The following UBAP1 variants were observed in gnomAD, a reference collection of about 807,000 sequenced individuals.
UBAP1 encodes the protein ubiquitin-associated protein 1.
Under a neutral mutation model 39.0 loss-of-function variants are expected in UBAP1, and 5 were observed. The ratio of observed to expected loss-of-function variants is 0.13; its 90% CI spans 0.07 to 0.27. The LOEUF is 0.27. Ranked by LOEUF, UBAP1 falls within the 10% of genes least tolerant of loss-of-function variation. The probability of loss-of-function intolerance (pLI) is 1.00; values close to 1 mark genes in which losing one functional copy is unlikely to be tolerated. For synonymous variants in UBAP1, 211 were observed against 225.1 expected (o/e 0.94, Z 0.56); for missense variants, 490 against 608.1 (o/e 0.81, Z 2.04).
intron 6 of UBAP1, chr9:34,250,974 G>A (rs755342665): frequency 1.6e-5 from 9 of 565,692 alleles, no homozygotes; most frequent in Non-Finnish European, 2.9e-5. Flanking sequence ...CAGAATCCCA[G>A]TGAAGGGAAG....
chr9:34,216,527 G>C lies in UBAP1; in HGVS notation c.-7-4381G>C, dbSNP rs1354907219. Among the ~76,000 whole-genome samples, 3 of 151,018 alleles carry C rather than the reference G, an allele frequency of 2.0e-5. No homozygotes were observed. In the East Asian group the frequency reaches 5.8e-4, roughly 29 times the overall value. ...TTTTTTAGAGCTGGGGTCTCACTCT[G>C]TTGCCCAGGCTGCAGTGCAGTGGTG... On this transcript the variant is annotated intron_variant, in intron 1 of 6. Transcript: ENST00000297661.
At chr9:34,244,090 C>T (rs936123402) in intron 4 of UBAP1, among the ~76,000 whole-genome samples, 3 of 152,042 alleles carry the variant, frequency 2.0e-5, no homozygotes, top group Admixed American at 6.6e-5. Context: ...CCTCGTGATC[C>T]GCCCGCCTCG....
chr9:34,220,980 TA>T, intron 2 of UBAP1, 32 bp downstream of exon 2: 1 of 1,595,592 alleles, frequency 6.3e-7, no homozygotes, highest in Admixed American at 1.7e-5. Context: ...TGGTTTAAGT[TA>T]TGATTTGATC....
At chr9:34,250,608 GCACAGCAAAGAGCAGCAGTA>G (rs775273104) in intron 5 of UBAP1, 30 bp from the exon 6 acceptor site, 1 of 1,488,514 alleles carries the variant, frequency 6.7e-7, no homozygotes, top group Admixed American at 1.8e-5. Context: ...CTCTTGGAAA[GCACAGCAAAGAGCAGCAGTA>G]GGTGCTAAAC....
intron 1 of UBAP1, among the ~76,000 whole-genome samples, chr9:34,179,469 G>A (rs1829894601): frequency 1.3e-5 from 2 of 152,168 alleles, no homozygotes; most frequent in African/African-American, 2.4e-5. Flanking sequence ...GTGGGATGCG[G>A]AAAAATGAGT....
intron 1 of UBAP1, chr9:34,201,284 C>T (rs753370389): frequency 6.6e-6 from 1 of 152,132 alleles, no homozygotes; most frequent in Admixed American, 6.6e-5. Flanking sequence ...TGACTCATGC[C>T]TGTAATCCTA....
At chr9:34,225,413 A>G (rs1490053882) in intron 2 of UBAP1, among the ~76,000 whole-genome samples, 1 of 152,030 alleles carries the variant, frequency 6.6e-6, no homozygotes, top group African/African-American at 2.4e-5. Flanking sequence ...AATATTATCC[A>G]TTTCTTATAA....
chr9:34,224,779 A>G (rs1014469000), intron 2 of UBAP1, among the ~76,000 whole-genome samples: 1 of 152,212 alleles, frequency 6.6e-6, no homozygotes, highest in Non-Finnish European at 1.5e-5. Context: ...CAGAAAATAA[A>G]GTTTCTGCTC....
chr9:34,196,145 A>ATTTG (rs1191539964), intron 1 of UBAP1, among the ~76,000 whole-genome samples: 1 of 149,654 alleles, frequency 6.7e-6, no homozygotes, highest in African/African-American at 2.5e-5. Flanking sequence ...TTATTTATTT[A>ATTTG]TTTATTTATT....
intron 2 of UBAP1, among the ~76,000 whole-genome samples, chr9:34,227,344 C>T (rs1030781189): frequency 6.6e-6 from 1 of 151,636 alleles, no homozygotes; most frequent in East Asian, 1.9e-4. Context: ...CTGCAGGAGG[C>T]GCTGATGGCT....
intron 1 of UBAP1, among the ~76,000 whole-genome samples, chr9:34,199,017 A>G (rs1831214559): frequency 6.6e-6 from 1 of 152,216 alleles, no homozygotes; most frequent in African/African-American, 2.4e-5. Context: ...CATTTCTGTG[A>G]TAGTGACTAG....
chr9:34,225,965 T>A (rs919573687), intron 2 of UBAP1, among the ~76,000 whole-genome samples: 8 of 152,080 alleles, frequency 5.3e-5, no homozygotes, highest in Admixed American at 2.6e-4. Flanking sequence ...CGAGGTATAA[T>A]TGATATATAA....
rs1173768352 is a variant in UBAP1 at position 34,182,619 on chromosome 9, C to CTT, written c.-8+3381_-8+3382dup. ...CTTTTTTCTTTTTCTTTCTTTCCTT[C>CTT]TTTCTTTCTTTCTTTCTTTCTTTCT... On this transcript the variant is annotated intron_variant, in intron 1 of 6. Coordinates refer to ENST00000297661, the MANE Select transcript of UBAP1 (RefSeq NM_016525.5). Among the ~76,000 whole-genome samples the CTT allele has an allele frequency of 3.3e-3, 97 of 28,986 alleles. 1 individual carries two copies. The highest frequency in any genetic ancestry group is 0.014 in the African/African-American group (89 of 6,366). The allele number at this position is 28,986 out of a possible 152,430, so 19.0% of individuals were successfully genotyped here.
At chr9:34,242,157 G>A (rs1833993602) in intron 4 of UBAP1, 49 bp downstream of exon 4, 2 of 1,507,882 alleles carry the variant, frequency 1.3e-6, no homozygotes, top group Admixed American at 2.1e-5. Flanking sequence ...CTGATGACAG[G>A]GATTATGTTT....
At chr9:34,233,421 C>G (rs998491455) in intron 2 of UBAP1, among the ~76,000 whole-genome samples, 1 of 151,780 alleles carries the variant, frequency 6.6e-6, no homozygotes, top group East Asian at 1.9e-4. Flanking sequence ...GGGGTTTCAC[C>G]ATGTTGGTCA....
chr9:34,198,142 C>T (rs763554331), intron 1 of UBAP1, among the ~76,000 whole-genome samples: 6 of 152,086 alleles, frequency 3.9e-5, no homozygotes, highest in Non-Finnish European at 8.8e-5. Context: ...TTAGGAGGGG[C>T]AGCTGGCTGG....
chr9:34,187,432 A>G (rs1307692529), intron 1 of UBAP1, among the ~76,000 whole-genome samples: 1 of 152,170 alleles, frequency 6.6e-6, no homozygotes, highest in Non-Finnish European at 1.5e-5. Flanking sequence ...TGTGCCTTAC[A>G]TGTGGGTTTC....
At chr9:34,246,084 AT>A (rs915148297) in intron 4 of UBAP1, among the ~76,000 whole-genome samples, 4 of 152,088 alleles carry the variant, frequency 2.6e-5, no homozygotes, top group African/African-American at 9.7e-5. Flanking sequence ...TTAATTCTTT[AT>A]TTTTAAATTT....
chr9:34,193,723 G>C (rs1050093974), intron 1 of UBAP1, among the ~76,000 whole-genome samples: 2 of 152,210 alleles, frequency 1.3e-5, no homozygotes, highest in African/African-American at 4.8e-5. Flanking sequence ...AGGTATGGGG[G>C]AAGAGGTGTG....
Sources: allele counts gnomAD v4.1 joint callset (sites outside exome capture counted in the v4.1 genomes callset), GRCh38; gene constraint gnomAD v4.1.1; transcripts MANE v1.5; gene names NCBI Gene and HGNC (gene_info 2026-07-23, HGNC 2026-07-21).